VPS45: variants seen among roughly 807,000 people sequenced by gnomAD.
The protein encoded by VPS45 is vacuolar protein sorting 45 homolog, also known as vacuolar protein sorting-associated protein 45.
In VPS45, 35 loss-of-function variants were observed where a neutral mutation model predicts 75.9. The ratio of observed to expected loss-of-function variants is 0.46; its 90% CI spans 0.35 to 0.61. VPS45 has a LOEUF of 0.61. VPS45 is among the 20% of genes least tolerant of loss of function. VPS45 has a pLI of 0.00. For synonymous variants in VPS45, 220 were observed against 238.2 expected, an observed-to-expected ratio of 0.92 and a Z score of 0.70; for missense variants, 559 against 685.9, an observed-to-expected ratio of 0.81 and a Z score of 2.07.
intron 7 of VPS45, among the ~76,000 whole-genome samples, chr1:150,079,666 C>A (rs907491809): frequency 2.6e-5 from 4 of 152,182 alleles, no homozygotes; most frequent in Non-Finnish European, 5.9e-5. Context: ...CCCGACTCGG[C>A]CTCCCAAAGT....
rs782147790 is a variant in VPS45 at position 150,067,966 on chromosome 1, C to T, written c.93+16C>T. 3.1e-6 allele frequency: 5 copies of T among 1,612,226 alleles called. No individual in the cohort carries two copies. The highest frequency in any genetic ancestry group is 1.7e-5 in the Admixed American group (1 of 59,994). On this transcript the variant is annotated intron_variant, in intron 1 of 14. Coordinates refer to ENST00000644510, the MANE Select transcript of VPS45 (RefSeq NM_007259.5). ...TAAAGAGACGGTGAGTTTGCTTTTGCTCAGCATTTGTGAAGGAACCCTCTC... is the reference window on the plus strand; with the variant it reads ...TAAAGAGACGGTGAGTTTGCTTTTGTTCAGCATTTGTGAAGGAACCCTCTC...
chr1:150,133,210 C>T (rs1658913312), intron 14 of VPS45, among the ~76,000 whole-genome samples: 1 of 152,150 alleles, frequency 6.6e-6, no homozygotes, highest in South Asian at 2.1e-4. Flanking sequence ...TTTGTGTTCA[C>T]TTAAAATTTC....
At position 150,144,962 on chromosome 1, in the gene VPS45, G is replaced by C. The variant is rs151124746; in HGVS notation, c.*166G>C. On this transcript the variant is annotated 3_prime_UTR_variant, in exon 15 of 15. Transcript: ENST00000644510. ...TTGGCACAGACACAAGACTCCCAGAGTTGTCCTAACAATAAGTCTGAGCCC... is the reference window on the plus strand; with the variant it reads ...TTGGCACAGACACAAGACTCCCAGACTTGTCCTAACAATAAGTCTGAGCCC... 3.0e-4 allele frequency: 454 copies of C among 1,527,344 alleles called. 3 individuals are homozygous for C. The African/African-American group carries it at 5.3e-3, about 18-fold the overall frequency. 94.6% of individuals were successfully genotyped at this position (1,527,344 alleles called of 1,614,324 possible).
intron 1 of VPS45, 188 bp downstream of exon 1, chr1:150,068,138 C>T: frequency 1.7e-6 from 1 of 581,534 alleles, no homozygotes; most frequent in Non-Finnish European, 3.0e-6. Context: ...CCAGCCACTG[C>T]CTAGAGACTA....
chr1:150,073,361 T>A (rs1036795360), intron 3 of VPS45, among the ~76,000 whole-genome samples: 1 of 152,154 alleles, frequency 6.6e-6, no homozygotes, highest in African/African-American at 2.4e-5. Context: ...TTAAATAGAA[T>A]AATGATACAA....
intron 2 of VPS45, among the ~76,000 whole-genome samples, chr1:150,070,833 A>T (rs1343225706): frequency 6.6e-6 from 1 of 151,772 alleles, no homozygotes; most frequent in African/African-American, 2.4e-5. Flanking sequence ...AATAAAAATT[A>T]AAAATAATTT....
At chr1:150,108,687 G>C (rs1013502937) in intron 13 of VPS45, among the ~76,000 whole-genome samples, 1 of 152,188 alleles carries the variant, frequency 6.6e-6, no homozygotes, top group Admixed American at 6.5e-5. Flanking sequence ...GTCATATGTT[G>C]CTGATAAGTC....
At chr1:150,104,833 T>G (rs1301355708) in intron 13 of VPS45, among the ~76,000 whole-genome samples, 2 of 152,220 alleles carry the variant, frequency 1.3e-5, no homozygotes, top group Non-Finnish European at 2.9e-5. Context: ...GCTCAAGCGA[T>G]CCACCTGCCT....
At position 150,088,434 on chromosome 1, in the gene VPS45, A is replaced by AATATATATAT. The variant is rs200780573; in HGVS notation, c.1105-3490_1105-3481dup. On this transcript the variant is annotated intron_variant, in intron 10 of 14. Coordinates refer to ENST00000644510, the MANE Select transcript of VPS45 (RefSeq NM_007259.5). ...TGTTCTATTTCATGGCTGAATAATAAATATATATATATATATATATATGCT... is the reference window on the plus strand; with the variant it reads ...TGTTCTATTTCATGGCTGAATAATAAATATATATATATATATATATATATATATATATGCT... 5.5e-3 allele frequency among the ~76,000 whole-genome samples: 690 copies of AATATATATAT among 125,486 alleles called. 9 individuals carry two copies. The highest frequency in any genetic ancestry group is 8.2e-3 in the African/African-American group (251 of 30,790). The allele number at this position is 125,486 out of a possible 152,430, so 82.3% of individuals were successfully genotyped here.
At position 150,093,554 on chromosome 1, in the gene VPS45, C is replaced by G; in HGVS notation, c.1399C>G (p.Gln467Glu). 1 of 1,613,910 alleles carries G rather than the reference C, an allele frequency of 6.2e-7. No individual in the cohort carries two copies. ...AGTAGAAAATGTATATACACAGCAT[C>G]AACCTTTCCTACATGAAACCCTGGA... is the stretch of plus-strand genomic sequence containing the variant. ...KGVENVYTQH[Q>E]PFLHETLDHL... Residue 467 changes from glutamine to glutamate, a missense_variant, in exon 13 of 15, where the codon CAA becomes GAA. Transcript: ENST00000644510.
intron 7 of VPS45, among the ~76,000 whole-genome samples, chr1:150,080,991 A>T (rs1351901033): frequency 6.6e-6 from 1 of 152,208 alleles, no homozygotes; most frequent in Non-Finnish European, 1.5e-5. Flanking sequence ...TTGTAACTGC[A>T]GTACCAATAT....
At chr1:150,070,702 G>C (rs1484956767) in intron 2 of VPS45, among the ~76,000 whole-genome samples, 2 of 151,334 alleles carry the variant, frequency 1.3e-5, no homozygotes. Context: ...CCAGCTACTA[G>C]GGAGGCTGAG....
At chr1:150,103,513 C>G (rs1407606518) in intron 13 of VPS45, among the ~76,000 whole-genome samples, 2 of 152,120 alleles carry the variant, frequency 1.3e-5, no homozygotes, top group African/African-American at 4.8e-5. Flanking sequence ...AGAGCCTATC[C>G]CTGTATCTAG....
At chr1:150,097,989 A>C (rs1656771285) in intron 13 of VPS45, among the ~76,000 whole-genome samples, 2 of 152,148 alleles carry the variant, frequency 1.3e-5, no homozygotes, top group African/African-American at 2.4e-5. Flanking sequence ...AGCTGGGGCT[A>C]CAGGCACATG....
rs116287165 is a variant in VPS45, at chr1:150,142,353, C to G, written c.1626-2356C>G. 5.0e-3 allele frequency among the ~76,000 whole-genome samples: 763 copies of G among 152,320 alleles called. 4 individuals are homozygous for G. The highest frequency in any genetic ancestry group is 0.017 in the African/African-American group (725 of 41,552). On this transcript the variant is annotated intron_variant, in intron 14 of 14. Coordinates refer to ENST00000644510, the MANE Select transcript of VPS45 (RefSeq NM_007259.5). ...TTGTTCAAAAAAAAATCAGTGCTAC[C>G]TCATTTCCTAACACTTGTTTTCTGA...
At chr1:150,139,816 C>T (rs72694943) in intron 14 of VPS45, among the ~76,000 whole-genome samples, 20,620 of 152,158 alleles carry the variant, frequency 0.14, 1,524 homozygotes, top group Non-Finnish European at 0.17. Flanking sequence ...CCTCCTGTTT[C>T]GGCCTACCAG....
At position 150,110,367 on chromosome 1, in the gene VPS45, A is replaced by G. The variant is rs1382630450; in HGVS notation, c.1494-129A>G. On this transcript the variant is annotated intron_variant, in intron 13 of 14. Transcript: ENST00000644510. ...AATTGAAACTTTTTTTAAACCTTTT[A>G]TTCTATTCTGCTTTAATTCTGCTTC... The G allele has an allele frequency of 4.4e-6, 4 of 918,266 alleles. No homozygotes were observed. The Admixed American group carries it at 9.9e-5, about 23-fold the overall frequency. The allele number at this position is 918,266 out of a possible 1,614,324, so 56.9% of individuals were successfully genotyped here.
At chr1:150,122,657 T>G (rs1658297019) in intron 14 of VPS45, among the ~76,000 whole-genome samples, 1 of 152,106 alleles carries the variant, frequency 6.6e-6, no homozygotes, top group Non-Finnish European at 1.5e-5. Flanking sequence ...TTCAGTGGTT[T>G]TTAGTATATT....
intron 13 of VPS45, among the ~76,000 whole-genome samples, chr1:150,095,583 C>T (rs956560467): frequency 3.1e-4 from 46 of 147,394 alleles, no homozygotes; most frequent in African/African-American, 8.6e-4. Flanking sequence ...CCGTTGCACT[C>T]GAGCCTGGGC....
Sources: allele counts gnomAD v4.1 joint callset (sites outside exome capture counted in the v4.1 genomes callset), GRCh38; gene constraint gnomAD v4.1.1; transcripts MANE v1.5; gene names NCBI Gene and HGNC (gene_info 2026-07-23, HGNC 2026-07-21).